CDH23: variants seen among roughly 807,000 people sequenced by gnomAD.
CDH23 encodes cadherin-23.
Under a neutral mutation model 317.1 loss-of-function variants are expected in CDH23, and 189 were observed. The observed-to-expected ratio is 0.60, with a 90% confidence interval of 0.53 to 0.67. CDH23 has a LOEUF of 0.67. CDH23 is among the 30% of genes least tolerant of loss of function. CDH23 has a pLI of 0.00. For synonymous variants in CDH23, 1,839 were observed against 1,876.8 expected, an observed-to-expected ratio of 0.98 and a Z score of 0.52; for missense variants, 4,401 against 4,592.4, an observed-to-expected ratio of 0.96 and a Z score of 1.20.
chr10:71,563,152 C>T (rs956027834), intron 6 of CDH23, among the ~76,000 whole-genome samples: 3 of 152,144 alleles, frequency 2.0e-5, no homozygotes, highest in African/African-American at 7.2e-5. Context: ...CCGATTTCCA[C>T]TCTTCGACTC....
intron 6 of CDH23, among the ~76,000 whole-genome samples, chr10:71,550,325 G>A (rs985746270): frequency 7.2e-5 from 11 of 152,034 alleles, no homozygotes; most frequent in Admixed American, 2.6e-4. Flanking sequence ...CTGAGGAGTC[G>A]GGGATCGCTT....
At position 71,680,520 on chromosome 10, in the gene CDH23, G is replaced by A. The variant is rs555992124; in HGVS notation, c.1858+1028G>A. 9.2e-5 allele frequency among the ~76,000 whole-genome samples: 14 copies of A among 152,190 alleles called. No individual in the cohort carries two copies. The South Asian group carries it at 1.0e-3, about 11-fold the overall frequency. ...CCCAGCACTTTGGGAGGCCGAGACC[G>A]GCGGATCAATTGAGGTCAGGAGTTT... On this transcript the variant is annotated intron_variant, in intron 17 of 69. Transcript: ENST00000224721.
At chr10:71,564,279 G>A (rs561474701) in intron 6 of CDH23, among the ~76,000 whole-genome samples, 1 of 152,192 alleles carries the variant, frequency 6.6e-6, no homozygotes, top group Non-Finnish European at 1.5e-5. Context: ...ATGTGCTGAT[G>A]AGCGCCCCTC....
intron 44 of CDH23, among the ~76,000 whole-genome samples, chr10:71,788,293 G>A (rs564594492): frequency 1.3e-4 from 20 of 151,916 alleles, no homozygotes; most frequent in African/African-American, 3.4e-4. Context: ...TAAGTGATCC[G>A]CCCACCTCAG....
At chr10:71,727,914 C>T (rs1021460986) in intron 30 of CDH23, among the ~76,000 whole-genome samples, 2 of 152,184 alleles carry the variant, frequency 1.3e-5, no homozygotes, top group Non-Finnish European at 2.9e-5. Flanking sequence ...ACCATCTTGC[C>T]TCCTCCTGTC....
rs142217437 is a variant in CDH23, at chr10:71,651,113, A to C, written c.1449+4496A>C. On this transcript the variant is annotated intron_variant, in intron 14 of 69. Coordinates refer to ENST00000224721, the MANE Select transcript of CDH23 (RefSeq NM_022124.6). Reference sequence around the variant, plus strand: ...CACTGAGTATTACTTGCTGTGATGGAGAGATCAGGGAGTACGCGAACCTCT... The same window carrying C: ...CACTGAGTATTACTTGCTGTGATGGCGAGATCAGGGAGTACGCGAACCTCT... 1.2e-4 allele frequency among the ~76,000 whole-genome samples: 18 copies of C among 152,316 alleles called. No individual in the cohort carries two copies. In the East Asian group the frequency reaches 3.3e-3, roughly 28 times the overall value.
intron 66 of CDH23, 103 bp from the exon 67 acceptor site, chr10:71,812,377 C>A (rs1225235827): frequency 6.2e-7 from 1 of 1,603,018 alleles, no homozygotes; most frequent in Admixed American, 1.7e-5. Flanking sequence ...GTGAAAGGCA[C>A]TATATGGCCA....
At chr10:71,446,802 T>C (rs1483189116) in intron 3 of CDH23, among the ~76,000 whole-genome samples, 1 of 152,146 alleles carries the variant, frequency 6.6e-6, no homozygotes, top group Non-Finnish European at 1.5e-5. Context: ...ATTTAGGGGG[T>C]GATTATAAAC....
At chr10:71,537,417 T>C (rs1198073778) in intron 6 of CDH23, among the ~76,000 whole-genome samples, 1 of 152,212 alleles carries the variant, frequency 6.6e-6, no homozygotes, top group African/African-American at 2.4e-5. Flanking sequence ...TCACTAGCAT[T>C]CCTGCCCCCC....
chr10:71,660,125 T>A (rs1454496799), intron 14 of CDH23, among the ~76,000 whole-genome samples: 1 of 152,088 alleles, frequency 6.6e-6, no homozygotes, highest in African/African-American at 2.4e-5. Flanking sequence ...CACACCCAGC[T>A]AATTTTTGTA....
Position 71,785,108 on chromosome 10 carries a change from C to T in CDH23, c.5712+8C>T, listed in dbSNP as rs2132939521. 6.2e-7 allele frequency: 1 copy of T among 1,607,376 alleles called. No homozygotes were observed. Among genetic ancestry groups the T allele is most frequent in the Non-Finnish European group, 8.5e-7 (1 of 1,174,330 alleles). On this transcript the variant is annotated splice_region_variant and intron_variant, in intron 43 of 69. Coordinates refer to ENST00000224721, the MANE Select transcript of CDH23 (RefSeq NM_022124.6). Reference sequence around the variant, plus strand: ...TTCTTCATCAATGCCACGGTAGGGCCTAGACTGACCCCAGGGAGCTTCCCA... The same window carrying T: ...TTCTTCATCAATGCCACGGTAGGGCTTAGACTGACCCCAGGGAGCTTCCCA...
chr10:71,804,064 G>T (rs1564802851), intron 55 of CDH23, among the ~76,000 whole-genome samples: 1 of 151,360 alleles, frequency 6.6e-6, no homozygotes, highest in South Asian at 2.1e-4. Flanking sequence ...AGTGACTTCT[G>T]TAAGTCTGTT....
chr10:71,594,353 C>T (rs1037073946), intron 9 of CDH23, among the ~76,000 whole-genome samples: 2 of 152,006 alleles, frequency 1.3e-5, no homozygotes, highest in African/African-American at 4.8e-5. Flanking sequence ...CTCTCTCTCT[C>T]TCCCTCCCTC....
chr10:71,485,719 G>A (rs1852313695), intron 3 of CDH23, among the ~76,000 whole-genome samples: 1 of 152,238 alleles, frequency 6.6e-6, no homozygotes, highest in African/African-American at 2.4e-5. Flanking sequence ...AGTGTGGGGT[G>A]GGATGGGCGT....
chr10:71,779,313 C>G lies in CDH23; in HGVS notation c.5234C>G (p.Pro1745Arg), dbSNP rs771863134. ...ATCAACGACAATGTGCCTACCTTCCCCCGGGACTATGAGGGACCATTTGAA... is the reference window on the plus strand; with the variant it reads ...ATCAACGACAATGTGCCTACCTTCCGCCGGGACTATGAGGGACCATTTGAA... ...NDINDNVPTF[P>R]RDYEGPFEVT... Residue 1745 changes from proline (P) to arginine (R), a missense_variant, in exon 41 of 70, where the codon CCC becomes CGC. By Grantham distance (103) the Pro-to-Arg change is moderately radical. Coordinates refer to ENST00000224721, the MANE Select transcript of CDH23 (RefSeq NM_022124.6). The G allele has an allele frequency of 4.3e-6, 7 of 1,613,912 alleles. No homozygotes were observed. Among genetic ancestry groups the G allele is most frequent in the Non-Finnish European group, 5.9e-6 (7 of 1,179,904 alleles).
At chr10:71,504,564 A>C (rs12771000) in intron 3 of CDH23, among the ~76,000 whole-genome samples, 42,953 of 151,940 alleles carry the variant, frequency 0.28, 6,808 homozygotes, top group Non-Finnish European at 0.34. Context: ...CTTTCCACCC[A>C]TGAGGTTAGA....
chr10:71,550,699 G>T (rs897178930), intron 6 of CDH23, among the ~76,000 whole-genome samples: 4 of 152,108 alleles, frequency 2.6e-5, no homozygotes, highest in Non-Finnish European at 4.4e-5. Context: ...CAGGGCCCCA[G>T]TGCTGTTACT....
intron 6 of CDH23, among the ~76,000 whole-genome samples, chr10:71,546,302 A>G (rs1856277533): frequency 6.6e-6 from 1 of 152,248 alleles, no homozygotes; most frequent in African/African-American, 2.4e-5. Flanking sequence ...TAAAAGAAAC[A>G]GAGGCATTTG....
intron 44 of CDH23, among the ~76,000 whole-genome samples, chr10:71,786,304 T>C (rs11000000): frequency 0.2 from 30,746 of 151,948 alleles, 3,225 homozygotes; most frequent in African/African-American, 0.25. Context: ...TGTGGTAGAT[T>C]CCTAGCCAGA....
Sources: allele counts gnomAD v4.1 joint callset (sites outside exome capture counted in the v4.1 genomes callset), GRCh38; gene constraint gnomAD v4.1.1; transcripts MANE v1.5; gene names NCBI Gene and HGNC (gene_info 2026-07-23, HGNC 2026-07-21).